The following AP3B1 variants were observed in gnomAD, a reference collection of about 807,000 sequenced individuals.
AP3B1 encodes the protein adaptor related protein complex 3 subunit beta 1.
AP3B1 carries 61 observed loss-of-function variants against 132.5 expected under a neutral mutation model. The ratio of observed to expected loss-of-function variants is 0.46; its 90% CI spans 0.37 to 0.57. AP3B1 has a LOEUF of 0.57. AP3B1 is among the 20% of genes least tolerant of loss of function. AP3B1 has a pLI of 0.00. For missense variants in AP3B1, 1,120 were observed against 1,289.4 expected (o/e 0.87, Z 2.01); for synonymous variants, 388 against 438.3 (o/e 0.89, Z 1.43).
At chr5:78,200,068 T>C (rs948268791) in intron 7 of AP3B1, among the ~76,000 whole-genome samples, 2 of 152,058 alleles carry the variant, frequency 1.3e-5, no homozygotes, top group Non-Finnish European at 2.9e-5. Flanking sequence ...GAGTAACCAC[T>C]GGAGGTAAGA....
chr5:78,259,662 C>A (rs1304626972), intron 2 of AP3B1, among the ~76,000 whole-genome samples: 1 of 152,188 alleles, frequency 6.6e-6, no homozygotes, highest in Admixed American at 6.5e-5. Context: ...TATGTGCCCA[C>A]TAAAATTAAA....
chr5:78,075,080 G>A (rs1226882905), intron 22 of AP3B1, among the ~76,000 whole-genome samples: 2 of 152,144 alleles, frequency 1.3e-5, no homozygotes, highest in African/African-American at 2.4e-5. Flanking sequence ...ATCTCTCCTT[G>A]CAGACCAACT....
intron 21 of AP3B1, among the ~76,000 whole-genome samples, chr5:78,095,285 T>C (rs930785321): frequency 6.6e-6 from 1 of 152,264 alleles, no homozygotes; most frequent in Admixed American, 6.5e-5. Flanking sequence ...TGGTATGCAC[T>C]GTGTACCTAG....
In AP3B1 at chr5:78,048,269, T is replaced by C. The variant is rs142790709; in HGVS notation, c.2578-8995A>G. On this transcript the variant is annotated intron_variant, in intron 22 of 26. Transcript: ENST00000255194. Reference sequence around the variant, plus strand: ...TCCAATGACAATGCAGAATAAGAATTCATTGTTTCAGAATTGCTTTTATTT... The same window carrying C: ...TCCAATGACAATGCAGAATAAGAATCCATTGTTTCAGAATTGCTTTTATTT... Among the ~76,000 whole-genome samples, 11 of 152,332 alleles carry C rather than the reference T, an allele frequency of 7.2e-5. No homozygotes were observed. In the South Asian group the frequency reaches 8.3e-4, roughly 11 times the overall value.
intron 21 of AP3B1, among the ~76,000 whole-genome samples, chr5:78,097,514 G>T (rs1252324348): frequency 8.1e-6 from 1 of 123,068 alleles, no homozygotes. Context: ...GAGGTGGGGG[G>T]GTCAGCCCCC....
In AP3B1 at chr5:78,128,361, G is replaced by T. The variant is rs145634001; in HGVS notation, c.1838-201C>A. Among the ~76,000 whole-genome samples the T allele has an allele frequency of 2.3e-3, 346 of 152,174 alleles. 2 individuals carry two copies. The highest frequency in any genetic ancestry group is 8.0e-3 in the African/African-American group (333 of 41,562). On this transcript the variant is annotated intron_variant, in intron 16 of 26. Transcript: ENST00000255194. ...CTCCCCCATAATGGTCAATAAAAAAGCTAATCAGTCAGTGTGTTTAGAGGT... is the reference window on the plus strand; with the variant it reads ...CTCCCCCATAATGGTCAATAAAAAATCTAATCAGTCAGTGTGTTTAGAGGT...
chr5:78,268,963 T>C (rs10474535), intron 1 of AP3B1, among the ~76,000 whole-genome samples: 82,100 of 151,992 alleles, frequency 0.54, 22,435 homozygotes, highest in Non-Finnish European at 0.58. Flanking sequence ...TCCCAAATTC[T>C]TCTTTGCCTG....
chr5:78,003,882 T>C (rs1237281153), intron 26 of AP3B1, among the ~76,000 whole-genome samples: 1 of 152,240 alleles, frequency 6.6e-6, no homozygotes, highest in Admixed American at 6.5e-5. Context: ...ATCCTGCTAA[T>C]TCATTCTGCA....
intron 17 of AP3B1, among the ~76,000 whole-genome samples, chr5:78,122,293 G>A (rs921096544): frequency 6.6e-6 from 1 of 152,210 alleles, no homozygotes; most frequent in African/African-American, 2.4e-5. Flanking sequence ...GCACAAGACA[G>A]GGATGCCCTC....
intron 6 of AP3B1, among the ~76,000 whole-genome samples, chr5:78,220,086 G>A (rs1478774484): frequency 6.6e-6 from 1 of 151,940 alleles, no homozygotes; most frequent in African/African-American, 2.4e-5. Flanking sequence ...GGGCAGGGGA[G>A]AAATGTACCT....
intron 24 of AP3B1, among the ~76,000 whole-genome samples, chr5:78,033,448 G>C (rs1747663409): frequency 6.6e-6 from 1 of 151,936 alleles, no homozygotes; most frequent in Non-Finnish European, 1.5e-5. Flanking sequence ...CTGGTAAACT[G>C]AAAAGGTATA....
At chr5:78,284,643 T>C (rs977046812) in intron 1 of AP3B1, among the ~76,000 whole-genome samples, 1 of 152,162 alleles carries the variant, frequency 6.6e-6, no homozygotes, top group East Asian at 1.9e-4. Flanking sequence ...TACATACATA[T>C]AAATATATAT....
At chr5:78,246,110 G>C (rs1302701470) in intron 2 of AP3B1, among the ~76,000 whole-genome samples, 1 of 152,192 alleles carries the variant, frequency 6.6e-6, no homozygotes, top group Non-Finnish European at 1.5e-5. Context: ...TGGAATTCCA[G>C]AGTGCCCCAA....
intron 7 of AP3B1, among the ~76,000 whole-genome samples, chr5:78,208,367 G>GC (rs1745598272): frequency 6.6e-6 from 1 of 152,050 alleles, no homozygotes; most frequent in Non-Finnish European, 1.5e-5. Context: ...ATGAAAAGTT[G>GC]CCCCAAACAC....
intron 7 of AP3B1, among the ~76,000 whole-genome samples, chr5:78,201,349 A>C (rs1745281938): frequency 1.3e-5 from 2 of 152,210 alleles, no homozygotes; most frequent in African/African-American, 2.4e-5. Flanking sequence ...TTGTGCAAGA[A>C]TGTTCCTAAC....
intron 1 of AP3B1, among the ~76,000 whole-genome samples, chr5:78,285,198 G>A (rs190974432): frequency 2.6e-5 from 4 of 151,144 alleles, no homozygotes; most frequent in East Asian, 1.9e-4. Flanking sequence ...GCAGTGAGTC[G>A]AGATCACGCC....
At chr5:78,170,374 C>G (rs1368997113) in intron 11 of AP3B1, among the ~76,000 whole-genome samples, 4 of 152,206 alleles carry the variant, frequency 2.6e-5, no homozygotes, top group Non-Finnish European at 5.9e-5. Context: ...GTCCCACCAA[C>G]AGTGTAAAAG....
chr5:78,181,248 T>C (rs934720445), intron 8 of AP3B1, among the ~76,000 whole-genome samples: 4 of 152,110 alleles, frequency 2.6e-5, no homozygotes, highest in African/African-American at 7.2e-5. Context: ...AAACCAGGTA[T>C]TGTCATCAAA....
intron 22 of AP3B1, among the ~76,000 whole-genome samples, chr5:78,040,952 G>A (rs1748054253): frequency 6.6e-6 from 1 of 152,102 alleles, no homozygotes; most frequent in South Asian, 2.1e-4. Flanking sequence ...CTCTAAAAGT[G>A]CAACAAAAAA....
Sources: allele counts gnomAD v4.1 joint callset (sites outside exome capture counted in the v4.1 genomes callset), GRCh38; gene constraint gnomAD v4.1.1; transcripts MANE v1.5; gene names NCBI Gene and HGNC (gene_info 2026-07-23, HGNC 2026-07-21).